Variants in FRMD5 observed in about 807,000 individuals in gnomAD.
The protein encoded by FRMD5 is FERM domain-containing protein 5.
In FRMD5, 20 loss-of-function variants were observed where a neutral mutation model predicts 69.0. The observed-to-expected ratio is 0.29, with a 90% CI of 0.20 to 0.42. The LOEUF (loss-of-function observed/expected upper bound fraction) is 0.42, where lower values mean the gene tolerates loss of function less well. Ranked by LOEUF, FRMD5 falls within the 10% of genes least tolerant of loss-of-function variation. FRMD5 has a pLI of 1.00. For synonymous variants in FRMD5, 271 were observed against 260.1 expected, an observed-to-expected ratio of 1.04 and a Z score of -0.40; for missense variants, 595 against 708.6, an observed-to-expected ratio of 0.84 and a Z score of 1.82.
chr15:44,004,672 G>A (rs1890358778), intron 1 of FRMD5, among the ~76,000 whole-genome samples: 1 of 152,086 alleles, frequency 6.6e-6, no homozygotes, highest in Admixed American at 6.6e-5. Context: ...CCCTCTCTTT[G>A]GGCCTCCCTA....
At chr15:43,885,569 G>C (rs1156588074) in intron 11 of FRMD5, 112 bp downstream of exon 11, 21 of 874,222 alleles carry the variant, frequency 2.4e-5, no homozygotes, top group Admixed American at 5.5e-5. Context: ...GGAGACCTCA[G>C]ACTTTTCTGA....
chr15:43,993,417 T>A (rs1889777814), intron 1 of FRMD5, among the ~76,000 whole-genome samples: 1 of 152,106 alleles, frequency 6.6e-6, no homozygotes, highest in South Asian at 2.1e-4. Flanking sequence ...TTGGTCTCAA[T>A]CTCTTGACCT....
chr15:43,945,104 A>G (rs2089924365), intron 1 of FRMD5, among the ~76,000 whole-genome samples: 1 of 152,034 alleles, frequency 6.6e-6, no homozygotes, highest in South Asian at 2.1e-4. Flanking sequence ...ATGAGTTTAT[A>G]TGACACCAGA....
intron 1 of FRMD5, among the ~76,000 whole-genome samples, chr15:44,173,100 C>T (rs1339004019): frequency 6.6e-6 from 1 of 152,128 alleles, no homozygotes; most frequent in Non-Finnish European, 1.5e-5. Flanking sequence ...TATTGTAACT[C>T]TATTACAGAC....
intron 2 of FRMD5, among the ~76,000 whole-genome samples, chr15:43,921,891 T>G (rs1370216675): frequency 6.6e-6 from 1 of 152,152 alleles, no homozygotes; most frequent in Non-Finnish European, 1.5e-5. Context: ...GCATGGAGGC[T>G]CCTGCAGAGC....
intron 1 of FRMD5, among the ~76,000 whole-genome samples, chr15:44,076,938 A>G (rs1004744329): frequency 1.3e-5 from 2 of 152,060 alleles, no homozygotes; most frequent in African/African-American, 2.4e-5. Context: ...CAATTCAACC[A>G]TCACATGTAT....
intron 4 of FRMD5, among the ~76,000 whole-genome samples, 200 bp from the exon 5 acceptor site, chr15:43,910,179 G>A (rs2089259665): frequency 6.6e-6 from 1 of 152,088 alleles, no homozygotes; most frequent in Non-Finnish European, 1.5e-5. Flanking sequence ...ACTGACTTGA[G>A]GTTCAGTTAA....
chr15:43,912,498 T>G (rs958530279), intron 4 of FRMD5, among the ~76,000 whole-genome samples: 2 of 152,160 alleles, frequency 1.3e-5, no homozygotes, highest in Admixed American at 6.5e-5. Flanking sequence ...CTTTTGCCCC[T>G]TACTCACTGA....
upstream of FRMD5, among the ~76,000 whole-genome samples, chr15:44,198,644 G>A (rs2140639198): frequency 6.6e-6 from 1 of 152,238 alleles, no homozygotes; most frequent in South Asian, 2.1e-4. Flanking sequence ...TGAGCCAGGA[G>A]CTATGACTGC....
chr15:43,877,124 A>G (rs1404349061), intron 13 of FRMD5, among the ~76,000 whole-genome samples: 1 of 151,836 alleles, frequency 6.6e-6, no homozygotes, highest in Admixed American at 6.6e-5. Context: ...CAATGTCTGC[A>G]TTTTCCACTC....
At chr15:43,999,233 A>G (rs112038141) in intron 1 of FRMD5, among the ~76,000 whole-genome samples, 2 of 151,948 alleles carry the variant, frequency 1.3e-5, no homozygotes, top group African/African-American at 2.4e-5. Flanking sequence ...ACGCCTGGCT[A>G]ATTTTTATAA....
chr15:43,894,726 C>T (rs776302479), intron 7 of FRMD5, among the ~76,000 whole-genome samples: 3 of 152,040 alleles, frequency 2.0e-5, no homozygotes, highest in Non-Finnish European at 4.4e-5. Context: ...CACTCTGGCT[C>T]ATATGGGCAG....
chr15:43,899,018 T>C (rs1219942780), intron 7 of FRMD5, among the ~76,000 whole-genome samples: 1 of 152,198 alleles, frequency 6.6e-6, no homozygotes, highest in Non-Finnish European at 1.5e-5. Flanking sequence ...GTTGTTCTGC[T>C]CTCATTTAAT....
intron 1 of FRMD5, among the ~76,000 whole-genome samples, chr15:43,996,715 A>ATTTT (rs11397296): frequency 1.9e-3 from 162 of 86,014 alleles, no homozygotes; most frequent in Admixed American, 2.5e-3. Context: ...TCCTCAGCTG[A>ATTTT]TTTTTTTTTT....
At chr15:44,015,751 G>T (rs1890928801) in intron 1 of FRMD5, among the ~76,000 whole-genome samples, 1 of 152,176 alleles carries the variant, frequency 6.6e-6, no homozygotes, top group Non-Finnish European at 1.5e-5. Flanking sequence ...AGGGGAAAAT[G>T]TTCATTAAAT....
In FRMD5 at chr15:43,952,000, CTGTGTGTGTG is replaced by C. The variant is rs367759637; in HGVS notation, c.103-27701_103-27692del. Among the ~76,000 whole-genome samples, 94 of 123,772 alleles carry C rather than the reference CTGTGTGTGTG, an allele frequency of 7.6e-4. 1 individual carries two copies. The highest frequency in any genetic ancestry group is 1.8e-3 in the African/African-American group (54 of 30,418). The allele number at this position is 123,772 out of a possible 152,430, so 81.2% of individuals were successfully genotyped here. ...GTGTGTTGTGTGTGTGTGTGTGTGT[CTGTGTGTGTG>C]TGTGTGTGTGTGTGTGTGTGTGTGT... On this transcript the variant is annotated intron_variant, in intron 1 of 13. Coordinates refer to ENST00000417257, the MANE Select transcript of FRMD5 (RefSeq NM_032892.5).
chr15:44,194,120 C>G (rs1410816095), intron 1 of FRMD5: 1 of 152,226 alleles, frequency 6.6e-6, no homozygotes, highest in Non-Finnish European at 1.5e-5. Flanking sequence ...CCGGGAAAGA[C>G]TACTACTCCT....
At position 44,079,526 on chromosome 15, in the gene FRMD5, C is replaced by G. The variant is rs148017625; in HGVS notation, c.102+115427G>C. Among the ~76,000 whole-genome samples the G allele has an allele frequency of 3.3e-3, 505 of 152,128 alleles. 2 individuals carry two copies. The highest frequency in any genetic ancestry group is 5.4e-3 in the Non-Finnish European group (365 of 67,970). On this transcript the variant is annotated intron_variant, in intron 1 of 13. Transcript: ENST00000417257. ...AGCCTGGGCAACATTGAACTTGTCT[C>G]TTAAACAATAAAACAAAACCCATCT... is the stretch of plus-strand genomic sequence containing the variant.
At chr15:43,914,150 A>G (rs2089340990) in intron 4 of FRMD5, among the ~76,000 whole-genome samples, 1 of 152,158 alleles carries the variant, frequency 6.6e-6, no homozygotes, top group African/African-American at 2.4e-5. Flanking sequence ...TCTCCAGGGT[A>G]TTGGCTTTGG....
Sources: allele counts gnomAD v4.1 joint callset (sites outside exome capture counted in the v4.1 genomes callset), GRCh38; gene constraint gnomAD v4.1.1; transcripts MANE v1.5; gene names NCBI Gene and HGNC (gene_info 2026-07-23, HGNC 2026-07-21).